INPP5A: variants seen among roughly 807,000 people sequenced by gnomAD.
INPP5A encodes the protein 43 kDa inositol polyphosphate 5-phophatase.
INPP5A carries 14 observed loss-of-function variants against 65.2 expected under a neutral mutation model. The ratio of observed to expected loss-of-function variants is 0.21; its 90% confidence interval spans 0.14 to 0.34. The LOEUF (loss-of-function observed/expected upper bound fraction) is 0.34. Ranked by LOEUF, INPP5A falls within the 10% of genes least tolerant of loss-of-function variation. The pLI, the probability that INPP5A is intolerant of heterozygous loss-of-function variation, is 1.00. For missense variants in INPP5A, 431 were observed against 545.6 expected, an observed-to-expected ratio of 0.79 and a Z score of 2.09; for synonymous variants, 207 against 208.3, an observed-to-expected ratio of 0.99 and a Z score of 0.05.
chr10:132,685,254 C>T (rs1245689200), intron 4 of INPP5A, among the ~76,000 whole-genome samples: 2 of 152,242 alleles, frequency 1.3e-5, no homozygotes, highest in Non-Finnish European at 2.9e-5. Flanking sequence ...TTTCCCTTCC[C>T]AGTGGCAGAA....
chr10:132,619,283 T>C (rs939282373), intron 2 of INPP5A, among the ~76,000 whole-genome samples: 1 of 152,236 alleles, frequency 6.6e-6, no homozygotes, highest in Non-Finnish European at 1.5e-5. Flanking sequence ...CCAGGCGAGT[T>C]TGAAACCCAG....
At chr10:132,688,678 C>T (rs574680869) in intron 4 of INPP5A, among the ~76,000 whole-genome samples, 165 of 149,310 alleles carry the variant, frequency 1.1e-3, no homozygotes, top group African/African-American at 3.7e-3. Context: ...CAAGTGTGTG[C>T]GTGTGCATGA....
intron 2 of INPP5A, among the ~76,000 whole-genome samples, chr10:132,643,951 C>A (rs1030220500): frequency 2.0e-5 from 3 of 152,106 alleles, no homozygotes; most frequent in African/African-American, 7.2e-5. Flanking sequence ...GGAGGCGTGG[C>A]AGATCTCAAG....
At chr10:132,732,486 A>G (rs1846103981) in intron 9 of INPP5A, among the ~76,000 whole-genome samples, 1 of 152,224 alleles carries the variant, frequency 6.6e-6, no homozygotes, top group Non-Finnish European at 1.5e-5. Flanking sequence ...GGAGGGCCAC[A>G]CCTCTGGAAT....
rs942864830 is a variant in INPP5A, at chr10:132,704,157, C to T, written c.475-4156C>T. On this transcript the variant is annotated intron_variant, in intron 6 of 15. Transcript: ENST00000368594. This position sits in a 1 kb window ranked among gnomAD's most constrained non-coding sequence, Gnocchi z 4.5. ...CCCCCAGACAGGAGGTGTCGAGGCA[C>T]GGAAGATGAGCTGCTGGTGCTCTAG... Among the ~76,000 whole-genome samples, 3 of 152,034 alleles carry T rather than the reference C, an allele frequency of 2.0e-5. No homozygotes were observed. Among genetic ancestry groups the T allele is most frequent in the Non-Finnish European group, 4.4e-5 (3 of 68,018 alleles).
chr10:132,653,099 G>C (rs1214579995), intron 4 of INPP5A, among the ~76,000 whole-genome samples: 1 of 152,230 alleles, frequency 6.6e-6, no homozygotes, highest in Non-Finnish European at 1.5e-5. Context: ...CCGCGTGCTG[G>C]GCCCTGGCCA....
chr10:132,628,645 G>A (rs1299367033), intron 2 of INPP5A, among the ~76,000 whole-genome samples: 1 of 152,208 alleles, frequency 6.6e-6, no homozygotes, highest in East Asian at 1.9e-4. Context: ...GAGTTTAAAT[G>A]TGATTAAAAG....
At position 132,644,539 on chromosome 10, in the gene INPP5A, T is replaced by C. The variant is rs1472696235; in HGVS notation, c.118-1329T>C. Among the ~76,000 whole-genome samples, 2 of 152,258 alleles carry C rather than the reference T, an allele frequency of 1.3e-5. No homozygotes were observed. The highest frequency in any genetic ancestry group is 2.9e-5 in the Non-Finnish European group (2 of 68,034). The stretch of plus-strand genomic sequence containing the variant: ...CGCTGGGCTCCTGGGAGGTGGGCCA[T>C]GCCCACAGCTCCACCTGGCTCACAG... On this transcript the variant is annotated intron_variant, in intron 2 of 15. Transcript: ENST00000368594. This position sits in a 1 kb window ranked among gnomAD's most constrained non-coding sequence, Gnocchi z 6.5.
At chr10:132,691,939 G>C (rs1845273939) in intron 5 of INPP5A, among the ~76,000 whole-genome samples, 1 of 152,066 alleles carries the variant, frequency 6.6e-6, no homozygotes, top group African/African-American at 2.4e-5. Context: ...GCGGTCGCGG[G>C]AGGCGTGCGG....
chr10:132,717,526 G>A (rs1259743082), intron 8 of INPP5A, among the ~76,000 whole-genome samples: 2 of 151,422 alleles, frequency 1.3e-5, no homozygotes, highest in Non-Finnish European at 2.9e-5. Flanking sequence ...AGCCTTAGAC[G>A]ACTGTCTTCA....
intron 4 of INPP5A, among the ~76,000 whole-genome samples, chr10:132,665,790 C>T (rs1051336521): frequency 7.3e-5 from 11 of 149,988 alleles, no homozygotes; most frequent in African/African-American, 2.0e-4. Context: ...ATTGCTTGAG[C>T]TTAGGAGTAA....
At chr10:132,601,366 G>A (rs750631801) in intron 1 of INPP5A, among the ~76,000 whole-genome samples, 4 of 152,190 alleles carry the variant, frequency 2.6e-5, no homozygotes, top group Non-Finnish European at 5.9e-5. Flanking sequence ...TTGTTGTTGA[G>A]TTGTAGAAGG....
At position 132,638,920 on chromosome 10, in the gene INPP5A, C is replaced by A. The variant is rs150913346; in HGVS notation, c.118-6948C>A. Among the ~76,000 whole-genome samples, 1,077 of 152,232 alleles carry A rather than the reference C, an allele frequency of 7.1e-3. 7 individuals carry two copies. The highest frequency in any genetic ancestry group is 9.4e-3 in the Non-Finnish European group (640 of 68,014). On this transcript the variant is annotated intron_variant, in intron 2 of 15. Coordinates refer to ENST00000368594, the MANE Select transcript of INPP5A (RefSeq NM_005539.5). ...GAGGCTGCAATTTGGGTTTTTCTCT[C>A]TATATAAGTTACATATATATATGAC...
intron 4 of INPP5A, among the ~76,000 whole-genome samples, chr10:132,688,759 T>C (rs1450567356): frequency 6.6e-6 from 1 of 151,458 alleles, no homozygotes; most frequent in Non-Finnish European, 1.5e-5. Flanking sequence ...AGCAAGTGCA[T>C]GTGAGTGCAC....
chr10:132,768,349 C>T (rs1846889852), intron 12 of INPP5A, among the ~76,000 whole-genome samples: 1 of 150,954 alleles, frequency 6.6e-6, no homozygotes, highest in Non-Finnish European at 1.5e-5. Flanking sequence ...GATCCATGGA[C>T]CCCGACCCTC....
Position 132,555,171 on chromosome 10 carries a change from T to C in INPP5A, c.75+17000T>C, listed in dbSNP as rs1006482824. 6.5e-5 allele frequency among the ~76,000 whole-genome samples: 9 copies of C among 137,846 alleles called. No homozygotes were observed. Among genetic ancestry groups the C allele is most frequent in the Admixed American group, 4.3e-4 (6 of 13,978 alleles). 90.4% of individuals were successfully genotyped at this position (137,846 alleles called of 152,430 possible). A position where few individuals can be genotyped will look rare whatever the true frequency, so the allele number is the denominator to read the frequency against. On this transcript the variant is annotated intron_variant, in intron 1 of 15. Transcript: ENST00000368594. This position sits in a 1 kb window ranked among gnomAD's most constrained non-coding sequence, Gnocchi z 4.4. ...GGGTGGCATAGATGGCATGGTGGGG[T>C]GGGGGGGTGTGGATGGCAAGCGGCA...
Position 132,650,544 on chromosome 10 carries a change from G to C in INPP5A, c.306+39G>C. On this transcript the variant is annotated intron_variant, in intron 4 of 15. Coordinates refer to ENST00000368594, the MANE Select transcript of INPP5A (RefSeq NM_005539.5). The surrounding 1 kb of genome is among the most constrained non-coding windows in gnomAD (Gnocchi z 5.5). ...GCTGCCTGGTGCAGGGGTCAGACAG[G>C]CTGGCCTTGGCAGAAGCCAGCCCTT... The C allele has an allele frequency of 2.1e-6, 3 of 1,454,428 alleles. No individual in the cohort carries two copies. Among genetic ancestry groups the C allele is most frequent in the South Asian group, 1.1e-5 (1 of 87,754 alleles). 90.1% of individuals were successfully genotyped at this position (1,454,428 alleles called of 1,614,324 possible). A position where few individuals can be genotyped will look rare whatever the true frequency, so the allele number is the denominator to read the frequency against.
At chr10:132,577,477 G>A (rs1347834247) in intron 1 of INPP5A, among the ~76,000 whole-genome samples, 3 of 152,236 alleles carry the variant, frequency 2.0e-5, no homozygotes, top group East Asian at 1.9e-4. Context: ...GCCAGGGAAC[G>A]GGACATGGCC....
At chr10:132,702,093 T>G (rs926810476) in intron 6 of INPP5A, among the ~76,000 whole-genome samples, 1 of 152,264 alleles carries the variant, frequency 6.6e-6, no homozygotes, top group African/African-American at 2.4e-5. Context: ...CATTTGTTCC[T>G]GCTGTAAAAT....
Sources: gnomAD v4.1 joint callset for allele counts (sites outside exome capture counted in the v4.1 genomes callset) on GRCh38, gnomAD v4.1.1 for gene constraint, Gnocchi (gnomAD v3.1) non-coding constraint, MANE v1.5 for transcripts, NCBI Gene and HGNC (gene_info 2026-07-23, HGNC 2026-07-21) for gene names.